TMPRSS15: variants seen among roughly 807,000 people sequenced by gnomAD.
TMPRSS15 encodes the protein enteropeptidase.
A neutral mutation model predicts 125.3 loss-of-function variants in TMPRSS15; 128 were observed. That is an observed-to-expected ratio of 1.02 (90% confidence interval 0.89 to 1.18). TMPRSS15 has a LOEUF of 1.18. Ranked by LOEUF, TMPRSS15 falls within the 50% of genes most tolerant of loss-of-function variation. The probability of loss-of-function intolerance (pLI) is 0.00; values close to 1 mark genes in which losing one functional copy is unlikely to be tolerated. For synonymous variants in TMPRSS15, 446 were observed against 423.2 expected, an observed-to-expected ratio of 1.05 and a Z score of -0.66; for missense variants, 1,283 against 1,212.7, an observed-to-expected ratio of 1.06 and a Z score of -0.86.
intron 5 of TMPRSS15, among the ~76,000 whole-genome samples, chr21:18,378,545 C>T (rs1326612363): frequency 2.0e-5 from 3 of 152,020 alleles, no homozygotes; most frequent in Non-Finnish European, 2.9e-5. Context: ...TATAATTTTA[C>T]AAATGTTTTC....
At chr21:18,389,341 A>T (rs2075972520) in intron 3 of TMPRSS15, among the ~76,000 whole-genome samples, 2 of 152,124 alleles carry the variant, frequency 1.3e-5, no homozygotes, top group Admixed American at 1.3e-4. Context: ...ATTTGATAAG[A>T]TTAAAAATTC....
chr21:18,327,062 C>A (rs920768010), intron 15 of TMPRSS15, among the ~76,000 whole-genome samples: 2 of 152,142 alleles, frequency 1.3e-5, no homozygotes, highest in Non-Finnish European at 2.9e-5. Context: ...TGCCCTTAAT[C>A]CCTCAGCTTT....
chr21:18,383,555 C>T, intron 4 of TMPRSS15, 72 bp downstream of exon 4: 1 of 1,545,176 alleles, frequency 6.5e-7, no homozygotes, highest in Non-Finnish European at 8.8e-7. Context: ...TCCACTTCCT[C>T]CCTGGTATAT....
At chr21:18,392,093 G>C (rs1287741409) in intron 3 of TMPRSS15, among the ~76,000 whole-genome samples, 2 of 152,220 alleles carry the variant, frequency 1.3e-5, no homozygotes, top group Non-Finnish European at 2.9e-5. Context: ...CTCCAGGCCT[G>C]TGATGGGAGG....
chr21:18,484,789 A>C (rs915684138), intron 1 of TMPRSS15, among the ~76,000 whole-genome samples: 9 of 151,842 alleles, frequency 5.9e-5, no homozygotes, highest in African/African-American at 2.2e-4. Flanking sequence ...TTCCATAATT[A>C]CCTAGCATCA....
intron 16 of TMPRSS15, among the ~76,000 whole-genome samples, chr21:18,316,084 C>T (rs920396319): frequency 1.3e-5 from 2 of 151,126 alleles, no homozygotes; most frequent in Admixed American, 6.6e-5. Flanking sequence ...AAGGTGGAGC[C>T]AGTTTTGATA....
At chr21:18,350,038 TTCCTC>T (rs2075548925) in intron 10 of TMPRSS15, among the ~76,000 whole-genome samples, 1 of 152,132 alleles carries the variant, frequency 6.6e-6, no homozygotes, top group South Asian at 2.1e-4. Flanking sequence ...TTTTTGCACT[TTCCTC>T]TAACTACTCT....
chr21:18,385,071 A>G (rs1211799292), intron 3 of TMPRSS15, among the ~76,000 whole-genome samples: 1 of 152,202 alleles, frequency 6.6e-6, no homozygotes, highest in East Asian at 1.9e-4. Context: ...TTTAAAATGA[A>G]CAAGATGATA....
upstream of TMPRSS15, among the ~76,000 whole-genome samples, chr21:18,406,807 G>A (rs1052775306): frequency 6.6e-6 from 1 of 152,010 alleles, no homozygotes; most frequent in Non-Finnish European, 1.5e-5. Context: ...TCTGGGACAA[G>A]TAGACAATGA....
At chr21:18,437,756 C>T (rs948247634) in intron 1 of TMPRSS15, among the ~76,000 whole-genome samples, 16 of 152,136 alleles carry the variant, frequency 1.1e-4, no homozygotes, top group Non-Finnish European at 1.9e-4. Flanking sequence ...CAGAGAAATG[C>T]GAATCAAAAC....
chr21:18,275,022 T>C (rs538339402), intron 24 of TMPRSS15, among the ~76,000 whole-genome samples, 175 bp downstream of exon 24: 2 of 152,320 alleles, frequency 1.3e-5, no homozygotes, highest in South Asian at 4.1e-4. Context: ...ATAATTTTTG[T>C]TTCCAGTGCT....
At position 18,315,251 on chromosome 21, in the gene TMPRSS15, A is replaced by G; in HGVS notation, c.1927T>C (p.Cys643Arg). 1 of 1,610,662 alleles carries G rather than the reference A, an allele frequency of 6.2e-7. No homozygotes were observed. Reference protein sequence around the residue: ...TGYHLGIPEPCKADHFQCKNG... With the variant: ...TGYHLGIPEPRKADHFQCKNG... ...TTACATTGAAAATGGTCTGCCTTGC[A>G]TGGCTCTATGGGGAAAGAATGTTTA... The change falls in exon 17 of 25, where the codon TGC becomes CGC. Residue 643 changes from cysteine to arginine, a missense_variant. Transcript: ENST00000284885.
intron 1 of TMPRSS15, among the ~76,000 whole-genome samples, chr21:18,418,222 T>C (rs2076184560): frequency 6.6e-6 from 1 of 152,236 alleles, no homozygotes; most frequent in South Asian, 2.1e-4. Flanking sequence ...TGGAAGACGA[T>C]ACCCAAAATA....
chr21:18,440,144 A>T (rs760786660), intron 1 of TMPRSS15, among the ~76,000 whole-genome samples: 1 of 151,570 alleles, frequency 6.6e-6, no homozygotes, highest in African/African-American at 2.4e-5. Flanking sequence ...GGAGGCCGAG[A>T]CGGGCGGATC....
At chr21:18,387,808 AAC>A (rs1265991380) in intron 3 of TMPRSS15, among the ~76,000 whole-genome samples, 1 of 152,198 alleles carries the variant, frequency 6.6e-6, no homozygotes, top group African/African-American at 2.4e-5. Context: ...TAAAATCTAT[AAC>A]AAAAATGTAA....
chr21:18,347,911 T>A (rs8134400), intron 10 of TMPRSS15, among the ~76,000 whole-genome samples: 144,466 of 152,214 alleles, frequency 0.95, 69,033 homozygotes, highest in Middle Eastern at 1. Flanking sequence ...CAGGAAGATC[T>A]CTTAATTTAA....
chr21:18,272,478 C>CTT (rs1394612107), intron 24 of TMPRSS15, among the ~76,000 whole-genome samples: 7 of 152,208 alleles, frequency 4.6e-5, no homozygotes, highest in Admixed American at 6.5e-5. Context: ...GATCACAGCA[C>CTT]TTTGGGAGGC....
chr21:18,306,823 T>C (rs1218812592), intron 18 of TMPRSS15, among the ~76,000 whole-genome samples: 1 of 152,186 alleles, frequency 6.6e-6, no homozygotes, highest in East Asian at 1.9e-4. Context: ...GTATAAAATG[T>C]TTTCTTTCAT....
intron 18 of TMPRSS15, among the ~76,000 whole-genome samples, chr21:18,302,873 A>G (rs1365279409): frequency 1.3e-5 from 2 of 152,078 alleles, no homozygotes; most frequent in Non-Finnish European, 2.9e-5. Flanking sequence ...CCACTTTAAC[A>G]TTATTTCCTT....
Sources: gnomAD v4.1 joint callset for allele counts (sites outside exome capture counted in the v4.1 genomes callset) on GRCh38, gnomAD v4.1.1 for gene constraint, MANE v1.5 for transcripts, NCBI Gene and HGNC (gene_info 2026-07-23, HGNC 2026-07-21) for gene names.